Variants in CEP152 observed in about 807,000 individuals in gnomAD.
The protein encoded by CEP152 is centrosomal protein of 152 kDa.
A neutral mutation model predicts 188.9 loss-of-function variants in CEP152; 132 were observed. The observed-to-expected ratio is 0.70, with a 90% CI of 0.61 to 0.81. The LOEUF (loss-of-function observed/expected upper bound fraction) is 0.81, where lower values mean the gene tolerates loss of function less well. Ranked by LOEUF, CEP152 falls within the 30% of genes least tolerant of loss-of-function variation. The pLI, the probability that CEP152 is intolerant of heterozygous loss-of-function variation, is 0.00. For synonymous variants in CEP152, 649 were observed against 666.6 expected (o/e 0.97, Z 0.41); for missense variants, 1,914 against 1,969.8 (o/e 0.97, Z 0.54).
At chr15:48,805,693 A>G in intron 1 of CEP152, 37 bp from the exon 2 acceptor site, 1 of 1,612,852 alleles carries the variant, frequency 6.2e-7, no homozygotes, top group Non-Finnish European at 8.5e-7. Flanking sequence ...TCTGGACACC[A>G]CATAAAATCT....
chr15:48,748,670 A>T, intron 21 of CEP152, 60 bp from the exon 22 acceptor site: 2 of 839,654 alleles, frequency 2.4e-6, no homozygotes, highest in Non-Finnish European at 1.5e-6. Flanking sequence ...CTATCATTAA[A>T]AAAAAAAAAA....
At chr15:48,729,309 G>A (rs1892346470) in intron 2 of CEP152, 1 of 152,330 alleles carries the variant, frequency 6.6e-6, no homozygotes, top group Non-Finnish European at 1.5e-5. Flanking sequence ...GCTAAGGTGG[G>A]AGGATTGCTT....
In CEP152 at chr15:48,797,577, G is replaced by A; in HGVS notation, c.264C>T (p.Gly88=). The A allele has an allele frequency of 6.2e-7, 1 of 1,613,852 alleles. No homozygotes were observed. Among genetic ancestry groups the A allele is most frequent in the Non-Finnish European group, 8.5e-7 (1 of 1,179,960 alleles). ...CATATAAACTCTGAATTTCATTATA[G>A]CCCTATTAGATAACAAGAGTAAAAC... ...QMLPKSQSVN[G]YNEIQSLYAG... is the part of the protein sequence containing the mutation. The change falls in exon 5 of 27, where the codon GGC becomes GGT. Residue 88 remains glycine, a splice_region_variant and synonymous_variant. Transcript: ENST00000380950.
Position 48,744,145 on chromosome 15 carries a change from C to T in CEP152, c.3835+95G>A. 1.9e-6 allele frequency: 3 copies of T among 1,545,796 alleles called. 1 individual carries two copies. The African/African-American group carries it at 4.1e-5, about 21-fold the overall frequency. On this transcript the variant is annotated intron_variant, in intron 24 of 26. Transcript: ENST00000380950. ...AGAAAAAGGTAATTTGGAAAATTCCCTAGAAGAACTACTGCTGGTAAACTC... is the reference window on the plus strand; with the variant it reads ...AGAAAAAGGTAATTTGGAAAATTCCTTAGAAGAACTACTGCTGGTAAACTC...
Position 48,758,693 on chromosome 15 carries a change from T to TGG in CEP152, c.2694+1440_2694+1441dup, listed in dbSNP as rs573453215. Among the ~76,000 whole-genome samples, 400 of 108,684 alleles carry TGG rather than the reference T, an allele frequency of 3.7e-3. 7 individuals are homozygous for TGG. Among genetic ancestry groups the TGG allele is most frequent in the African/African-American group, 0.014 (380 of 27,638 alleles). The allele number at this position is 108,684 out of a possible 152,430, so 71.3% of individuals were successfully genotyped here. On this transcript the variant is annotated intron_variant, in intron 19 of 26. Coordinates refer to ENST00000380950, the MANE Select transcript of CEP152 (RefSeq NM_001194998.2). ...GAGATTGTGCCACTGCACTCCAGCC[T>TGG]GGGAAACACAGCAAGACTCCATCTC...
chr15:48,772,376 C>T, intron 13 of CEP152, 111 bp downstream of exon 13: 1 of 877,440 alleles, frequency 1.1e-6, no homozygotes, highest in South Asian at 1.4e-5. Context: ...CCACCACTGC[C>T]CTCCAGCCTG....
At chr15:48,791,832 A>C (rs1897008020) in intron 7 of CEP152, among the ~76,000 whole-genome samples, 1 of 151,570 alleles carries the variant, frequency 6.6e-6, no homozygotes, top group South Asian at 2.1e-4. Context: ...TAAATAAATT[A>C]TTAAAAATTA....
At chr15:48,754,279 A>C (rs1311069722) in intron 20 of CEP152, among the ~76,000 whole-genome samples, 1 of 152,152 alleles carries the variant, frequency 6.6e-6, no homozygotes, top group Admixed American at 6.5e-5. Flanking sequence ...AGATGATCTT[A>C]TACTGCTTGC....
chr15:48,770,046 C>T (rs1462744023), intron 13 of CEP152, among the ~76,000 whole-genome samples: 2 of 152,206 alleles, frequency 1.3e-5, no homozygotes, highest in Non-Finnish European at 2.9e-5. Flanking sequence ...TTTCCACCTT[C>T]CCAGATTTAT....
chr15:48,752,065 C>A (rs528967238), intron 21 of CEP152, among the ~76,000 whole-genome samples: 21 of 152,214 alleles, frequency 1.4e-4, no homozygotes, highest in Non-Finnish European at 2.2e-4. Context: ...TGATGTGAAA[C>A]CCTTGATTTC....
At chr15:48,763,978 C>A (rs923779136) in intron 17 of CEP152, among the ~76,000 whole-genome samples, 1 of 152,050 alleles carries the variant, frequency 6.6e-6, no homozygotes, top group Admixed American at 6.6e-5. Flanking sequence ...CAAAGAAGTG[C>A]CCAAAAAACT....
chr15:48,769,199 A>T, intron 13 of CEP152, 118 bp from the exon 14 acceptor site: 2 of 763,430 alleles, frequency 2.6e-6, no homozygotes, highest in Non-Finnish European at 4.2e-6. Flanking sequence ...TATAGCTTTT[A>T]CTCATCTTCC....
At position 48,781,354 on chromosome 15, in the gene CEP152, T is replaced by C. The variant is rs1896229429; in HGVS notation, c.1419A>G (p.Glu473=). The change falls in exon 12 of 27, where the codon GAA becomes GAG. Residue 473 remains glutamate (E), a synonymous_variant. Transcript: ENST00000380950. ...SANMNKALQE[E]LTELKDEISL... is the part of the protein sequence containing the mutation. ...AAATTTCATCTTTTAGTTCTGTTAA[T>C]TCTTCCTACAACACAAAATTATTAA... is the stretch of plus-strand genomic sequence containing the variant. The C allele has an allele frequency of 1.3e-6, 2 of 1,598,094 alleles. No individual in the cohort carries two copies. Among genetic ancestry groups the C allele is most frequent in the African/African-American group, 2.7e-5 (2 of 74,594 alleles).
intron 21 of CEP152, among the ~76,000 whole-genome samples, chr15:48,752,141 T>C (rs535635875): frequency 4.6e-5 from 7 of 152,304 alleles, no homozygotes; most frequent in Admixed American, 3.3e-4. Context: ...GAATCAGTTG[T>C]GAATGAAGGG....
At chr15:48,752,917 A>T (rs1801611029) in intron 20 of CEP152, among the ~76,000 whole-genome samples, 2 of 152,172 alleles carry the variant, frequency 1.3e-5, no homozygotes, top group South Asian at 4.1e-4. Flanking sequence ...ACAGTTAAAA[A>T]TCATTTTAAA....
At chr15:48,745,057 G>T in intron 22 of CEP152, 65 bp from the exon 23 acceptor site, 1 of 1,134,340 alleles carries the variant, frequency 8.8e-7, no homozygotes, top group South Asian at 1.6e-5. Flanking sequence ...TTTCCCTTAA[G>T]TTCCCAATAC....
rs1361111435 is a variant in CEP152 at position 48,738,760 on chromosome 15, A to T, written c.4622T>A (p.Leu1541Gln). The change falls in exon 27 of 27, where the codon CTA (leucine) becomes CAA (glutamine). Residue 1541 changes from leucine (L) to glutamine (Q), a missense_variant. Physicochemically the swap from Leu to Gln is moderately radical, Grantham distance 113. Transcript: ENST00000380950. ...AGATGCAGCATTTTCACTTTCCATT[A>T]GTGGATTGCATTTATATACTTTTAA... is the stretch of plus-strand genomic sequence containing the variant. ...LGLKVYKCNP[L>Q]MESENAASEK... 6.2e-7 allele frequency: 1 copy of T among 1,614,214 alleles called. No individual in the cohort carries two copies. Among genetic ancestry groups the T allele is most frequent in the Non-Finnish European group, 8.5e-7 (1 of 1,180,026 alleles).
chr15:48,783,778 T>C lies in CEP152; in HGVS notation c.1321+195A>G, dbSNP rs569340957. 35 of 194,680 alleles carry C rather than the reference T, an allele frequency of 1.8e-4. No individual in the cohort carries two copies. In the East Asian group the frequency reaches 4.6e-3, roughly 25 times the overall value. 12.1% of individuals were successfully genotyped at this position (194,680 alleles called of 1,614,324 possible). Reference sequence around the variant, plus strand: ...ATTTTTTTATATATGTGTGTATGTATATATATATATATGTATATATATATA... The same window carrying C: ...ATTTTTTTATATATGTGTGTATGTACATATATATATATGTATATATATATA... On this transcript the variant is annotated intron_variant, in intron 10 of 26. Transcript: ENST00000380950.
At chr15:48,751,628 A>C (rs575337611) in intron 21 of CEP152, among the ~76,000 whole-genome samples, 1 of 152,314 alleles carries the variant, frequency 6.6e-6, no homozygotes, top group Admixed American at 6.5e-5. Context: ...GAAACAGCAA[A>C]TAAGCAGCAG....
Sources: gnomAD v4.1 joint callset for allele counts (sites outside exome capture counted in the v4.1 genomes callset) on GRCh38, gnomAD v4.1.1 for gene constraint, MANE v1.5 for transcripts, NCBI Gene and HGNC (gene_info 2026-07-23, HGNC 2026-07-21) for gene names.